The following IDUA variants were observed in gnomAD, a reference collection of about 807,000 sequenced individuals.
IDUA encodes alpha-L-iduronidase.
In IDUA, 65 loss-of-function variants were observed where a neutral mutation model predicts 68.9. The ratio of observed to expected loss-of-function variants is 0.94; its 90% CI spans 0.77 to 1.16. IDUA has a LOEUF of 1.16. Among genes scored for constraint, IDUA ranks in the 50% most tolerant of loss-of-function variants. IDUA has a pLI of 0.00. For synonymous variants in IDUA, 529 were observed against 433.6 expected, an observed-to-expected ratio of 1.22 and a Z score of -2.73; for missense variants, 1,046 against 938.0, an observed-to-expected ratio of 1.12 and a Z score of -1.50.
At chr4:989,112 G>A in intron 2 of IDUA, 1 of 1,605,176 alleles carries the variant, frequency 6.2e-7, no homozygotes. Context: ...CCACTGTGTG[G>A]AAGCCGGCCG....
chr4:987,956 G>T lies in IDUA; in HGVS notation c.299+7G>T. 6.4e-7 allele frequency: 1 copy of T among 1,565,326 alleles called. No individual in the cohort carries two copies. Among genetic ancestry groups the T allele is most frequent in the Non-Finnish European group, 8.7e-7 (1 of 1,155,184 alleles). On this transcript the variant is annotated splice_region_variant and intron_variant, in intron 2 of 13. Transcript: ENST00000514224. ...TGGAGCTTGTCACCACCAGGTGGGC[G>T]GCGGGCAGGGTCTGGGCGTCCCAGA...
rs2305489 is a variant in IDUA, at chr4:1,003,700, G to T, written c.1727+75G>T. On this transcript the variant is annotated intron_variant, in intron 12 of 13. Transcript: ENST00000514224. ...TGGGTCCCGACCCCTTCACCCATGC[G>T]GTCACTCGGGCCACTTGCCGTGGCC... 0.056 allele frequency: 85,394 copies of T among 1,522,490 alleles called. 2,731 individuals carry two copies. The highest frequency in any genetic ancestry group is 0.15 in the Middle Eastern group (888 of 5,894). 94.3% of individuals were successfully genotyped at this position (1,522,490 alleles called of 1,614,324 possible).
intron 4 of IDUA, 46 bp downstream of exon 4, chr4:1,001,035 C>G: frequency 7.2e-7 from 1 of 1,384,582 alleles, no homozygotes; most frequent in South Asian, 1.2e-5. Context: ...CGGGGGTACT[C>G]CTGGGCAGGT....
chr4:1,003,903 C>G lies in IDUA; in HGVS notation c.1728-109C>G, dbSNP rs556744337. Reference sequence around the variant, plus strand: ...TGCCCAGGGGCTGGGGAGGTGCCGCCGAGGGGCTTGAGGGAATGAGGCTGT... The same window carrying G: ...TGCCCAGGGGCTGGGGAGGTGCCGCGGAGGGGCTTGAGGGAATGAGGCTGT... On this transcript the variant is annotated intron_variant, in intron 12 of 13. Transcript: ENST00000514224. The G allele has an allele frequency of 1.0e-5, 10 of 989,726 alleles. No homozygotes were observed. The Admixed American group carries it at 1.5e-4, about 15-fold the overall frequency. 61.3% of individuals were successfully genotyped at this position (989,726 alleles called of 1,614,324 possible).
Position 1,003,066 on chromosome 4 carries a change from A to G in IDUA, c.1433A>G (p.Asn478Ser). ...GTCTACGTCACGCGCTACCTGGACA[A>G]CGGGCTCTGCAGCCCCGACGGCGAG... ...GLVYVTRYLD[N>S]GLCSPDGEWR... The change falls in exon 10 of 14, where the codon AAC becomes AGC. Residue 478 changes from asparagine to serine, a missense_variant. Coordinates refer to ENST00000514224, the MANE Select transcript of IDUA (RefSeq NM_000203.5). 1 of 1,520,776 alleles carries G rather than the reference A, an allele frequency of 6.6e-7. No individual in the cohort carries two copies. The highest frequency in any genetic ancestry group is 8.7e-7 in the Non-Finnish European group (1 of 1,143,120). The allele number at this position is 1,520,776 out of a possible 1,614,324, so 94.2% of individuals were successfully genotyped here.
At chr4:994,732 C>G (rs536425694) in intron 2 of IDUA, among the ~76,000 whole-genome samples, 2 of 151,564 alleles carry the variant, frequency 1.3e-5, no homozygotes, top group African/African-American at 4.9e-5. Context: ...CCACTGCACC[C>G]GGCCGCCCCC....
rs773908263 is a variant in IDUA at position 987,891 on chromosome 4, C to A, written c.241C>A (p.Pro81Thr). ...CAACCTCGCCTATGTGGGCGCCGTC[C>A]CTCACCGCGGCATCAAGCAGGTCCG... is the stretch of plus-strand genomic sequence containing the variant. ...QLNLAYVGAV[P>T]HRGIKQVRTH... is the part of the protein sequence containing the mutation. Residue 81 changes from proline (P) to threonine (T), a missense_variant, in exon 2 of 14, where the codon CCT becomes ACT. Physicochemically the swap from Pro to Thr is conservative, Grantham distance 38. Coordinates refer to ENST00000514224, the MANE Select transcript of IDUA (RefSeq NM_000203.5). 1 of 1,610,362 alleles carries A rather than the reference C, an allele frequency of 6.2e-7. No individual in the cohort carries two copies. Among genetic ancestry groups the A allele is most frequent in the South Asian group, 1.1e-5 (1 of 90,580 alleles).
Position 993,887 on chromosome 4 carries a change from G to A in IDUA, c.299+5938G>A, listed in dbSNP as rs761610485. Among the ~76,000 whole-genome samples the A allele has an allele frequency of 7.9e-5, 12 of 152,228 alleles. No individual in the cohort carries two copies. The South Asian group carries it at 1.2e-3, about 16-fold the overall frequency. ...TGCGTGCATATGCGTGTGTGCTCGC[G>A]TAAGCCCTGTGTGTGGTGCTCACCG... On this transcript the variant is annotated intron_variant, in intron 2 of 13. Coordinates refer to ENST00000514224, the MANE Select transcript of IDUA (RefSeq NM_000203.5).
Position 991,676 on chromosome 4 carries a change from G to A in IDUA, c.299+3727G>A, listed in dbSNP as rs1262182436. ...CGGACCGGCACCGGCCCTCTGCCCT[G>A]CTGCAGAGGCTCAGGGGACTCGTCC... is the stretch of plus-strand genomic sequence containing the variant. On this transcript the variant is annotated intron_variant, in intron 2 of 13. Transcript: ENST00000514224. 1.3e-6 allele frequency: 2 copies of A among 1,534,362 alleles called. No individual in the cohort carries two copies. Among genetic ancestry groups the A allele is most frequent in the Non-Finnish European group, 8.7e-7 (1 of 1,146,836 alleles).
rs1379718691 is a variant in IDUA, at chr4:1,004,355, C to A, written c.1924C>A (p.Pro642Thr). The change falls in exon 14 of 14, where the codon CCT becomes ACT. Residue 642 changes from proline to threonine, a missense_variant. Physicochemically the swap from Pro to Thr is conservative, Grantham distance 38 (BLOSUM62 -1). Transcript: ENST00000514224. This position sits in a 1 kb window ranked among gnomAD's most constrained non-coding sequence, Gnocchi z 5.0. ...FSDPVPYLEV[P>T]VPRGPPSPGN... ...GGACCCTGTGCCGTACCTGGAGGTCCCTGTGCCAAGAGGGCCCCCATCCCC... is the reference window on the plus strand; with the variant it reads ...GGACCCTGTGCCGTACCTGGAGGTCACTGTGCCAAGAGGGCCCCCATCCCC... The A allele has an allele frequency of 1.2e-6, 2 of 1,611,514 alleles. No homozygotes were observed. The highest frequency in any genetic ancestry group is 1.7e-6 in the Non-Finnish European group (2 of 1,179,964).
rs1204286920 is a variant in IDUA, at chr4:991,130, G to C, written c.299+3181G>C. On this transcript the variant is annotated intron_variant, in intron 2 of 13. Transcript: ENST00000514224. ...TGTGCCCAAGCAGGGCTCCTCACCT[G>C]GTAAAGCCCGGTCATCAGCGTGAGG... 3.9e-6 allele frequency: 6 copies of C among 1,538,222 alleles called. No individual in the cohort carries two copies. The South Asian group carries it at 7.6e-5, about 19-fold the overall frequency.
Position 990,109 on chromosome 4 carries a change from G to A in IDUA, c.299+2160G>A, listed in dbSNP as rs1249477203. The A allele has an allele frequency of 1.5e-5, 24 of 1,585,852 alleles. No individual in the cohort carries two copies. The highest frequency in any genetic ancestry group is 1.2e-4 in the African/African-American group (9 of 74,450). ...TCGGTAGCGGTCTGAGAGCTCCTTC[G>A]CGGCTAGCAGCACCGCCAGGCACAC... On this transcript the variant is annotated intron_variant, in intron 2 of 13. Coordinates refer to ENST00000514224, the MANE Select transcript of IDUA (RefSeq NM_000203.5).
rs1400504829 is a variant in IDUA at position 1,004,254 on chromosome 4, C to G, written c.1829-6C>G. ...CCGGTTGGCACACATGTCCCCTTGT[C>G]TCCAGACACAGGTGCTGTCTCTGGC... On this transcript the variant is annotated splice_region_variant and splice_polypyrimidine_tract_variant and intron_variant, in intron 13 of 13. Coordinates refer to ENST00000514224, the MANE Select transcript of IDUA (RefSeq NM_000203.5). This position sits in a 1 kb window ranked among gnomAD's most constrained non-coding sequence, Gnocchi z 5.0. 1 of 1,609,740 alleles carries G rather than the reference C, an allele frequency of 6.2e-7. No individual in the cohort carries two copies. Among genetic ancestry groups the G allele is most frequent in the South Asian group, 1.1e-5 (1 of 91,086 alleles).
Position 1,004,334 on chromosome 4 carries a change from CCT to C in IDUA, c.1904_1905del (p.Pro635ArgfsTer23), listed in dbSNP as rs1254610202. 6.2e-7 allele frequency: 1 copy of C among 1,611,692 alleles called. No homozygotes were observed. The highest frequency in any genetic ancestry group is 1.3e-5 in the African/African-American group (1 of 74,882). ...GGCCCGACCAGGCCCCTTCTCGGAC[CCT>C]GTGCCGTACCTGGAGGTCCCTGTGC... ...YWARPGPFSD[P>X]VPYLEVPVPR... On this transcript the variant is annotated frameshift_variant, in exon 14 of 14. Transcript: ENST00000514224. LOFTEE classifies it low-confidence loss of function (END_TRUNC). This position sits in a 1 kb window ranked among gnomAD's most constrained non-coding sequence, Gnocchi z 5.0.
At chr4:998,688 C>T (rs533847363) in intron 2 of IDUA, among the ~76,000 whole-genome samples, 1 of 152,176 alleles carries the variant, frequency 6.6e-6, no homozygotes, top group Non-Finnish European at 1.5e-5. Flanking sequence ...ATGTCCAACT[C>T]CACATGGCCA....
At chr4:988,216 G>T in intron 2 of IDUA, 1 of 1,334,618 alleles carries the variant, frequency 7.5e-7, no homozygotes, top group Non-Finnish European at 9.6e-7. Context: ...GCACCCGTGA[G>T]CATCCCTGTG....
chr4:1,001,148 C>T (rs1000523095), intron 4 of IDUA, 159 bp downstream of exon 4: 8 of 630,428 alleles, frequency 1.3e-5, no homozygotes, highest in African/African-American at 3.8e-5. Flanking sequence ...GGTTGGTGGT[C>T]GGCGCAGGCC....
intron 2 of IDUA, chr4:990,194 A>G: frequency 6.4e-7 from 1 of 1,561,768 alleles, no homozygotes; most frequent in Non-Finnish European, 8.7e-7. Context: ...AGGCTCAGCC[A>G]TGTGAGGACC....
chr4:999,032 G>C (rs570118477), intron 2 of IDUA, among the ~76,000 whole-genome samples: 4 of 151,950 alleles, frequency 2.6e-5, no homozygotes, highest in Admixed American at 2.6e-4. Context: ...GTGAAACTCC[G>C]TCTCTACTAA....
Sources: gnomAD v4.1 joint callset for allele counts (sites outside exome capture counted in the v4.1 genomes callset) on GRCh38, gnomAD v4.1.1 for gene constraint, Gnocchi (gnomAD v3.1) non-coding constraint, MANE v1.5 for transcripts, NCBI Gene and HGNC (gene_info 2026-07-23, HGNC 2026-07-21) for gene names.